Variants in ZNF276 observed in about 807,000 individuals in gnomAD.
The protein encoded by ZNF276 is centromere protein Z.
ZNF276 carries 59 observed loss-of-function variants against 63.9 expected under a neutral mutation model. The observed-to-expected ratio is 0.92, with a 90% CI of 0.75 to 1.15. ZNF276 has a LOEUF of 1.15. Among genes scored for constraint, ZNF276 ranks in the 50% most tolerant of loss-of-function variants. The pLI, the probability that ZNF276 is intolerant of heterozygous loss-of-function variation, is 0.00. For missense variants in ZNF276, 1,084 were observed against 843.8 expected (o/e 1.28, Z -3.53); for synonymous variants, 496 against 348.4 (o/e 1.42, Z -4.72).
At position 89,733,428 on chromosome 16, in the gene ZNF276, C is replaced by T. The variant is rs776281982; in HGVS notation, c.1280+16C>T. 3.7e-5 allele frequency: 59 copies of T among 1,613,838 alleles called. 1 individual carries two copies. The highest frequency in any genetic ancestry group is 1.8e-4 in the East Asian group (8 of 44,888). On this transcript the variant is annotated intron_variant, in intron 7 of 10. Coordinates refer to ENST00000443381, the MANE Select transcript of ZNF276 (RefSeq NM_001113525.2). The stretch of plus-strand genomic sequence containing the variant: ...GTTGTGAGAGGTGATGCCTGCAACG[C>T]GAGGCTCGCCCTGCCTGTCGGGGCC...
Position 89,737,908 on chromosome 16 carries a change from A to T in ZNF276, c.1574+3A>T. 2 of 1,590,884 alleles carry T rather than the reference A, an allele frequency of 1.3e-6. No individual in the cohort carries two copies. ...CATTCGGGAGCCAAGCCTTTGCAGT[A>T]AGTGTGAGTCAGGACCCCCTCCCAG... On this transcript the variant is annotated splice_donor_region_variant and intron_variant, in intron 10 of 10. Transcript: ENST00000443381.
chr16:89,731,013 C>T (rs1437968870), intron 6 of ZNF276, among the ~76,000 whole-genome samples: 1 of 152,236 alleles, frequency 6.6e-6, no homozygotes, highest in Non-Finnish European at 1.5e-5. Flanking sequence ...CCCACCCGGT[C>T]CGCAAAGATT....
chr16:89,729,061 C>G (rs1379864199), intron 5 of ZNF276, among the ~76,000 whole-genome samples, 174 bp from the exon 6 acceptor site: 1 of 152,246 alleles, frequency 6.6e-6, no homozygotes, highest in African/African-American at 2.4e-5. Flanking sequence ...CCTGGCTGGC[C>G]CTTTGTGTTC....
At position 89,738,350 on chromosome 16, in the gene ZNF276, C is replaced by A; in HGVS notation, c.*104C>A. The A allele has an allele frequency of 7.4e-6, 11 of 1,480,728 alleles. No homozygotes were observed. The highest frequency in any genetic ancestry group is 8.1e-6 in the Non-Finnish European group (9 of 1,112,534). 91.7% of individuals were successfully genotyped at this position (1,480,728 alleles called of 1,614,324 possible). A position where few individuals can be genotyped will look rare whatever the true frequency, so the allele number is the denominator to read the frequency against. ...GCATGGGAGGGTCGGAGGGTGCTGCCCGCCCTTGGTGCTGGAGGCGGGCTT... is the reference window on the plus strand; with the variant it reads ...GCATGGGAGGGTCGGAGGGTGCTGCACGCCCTTGGTGCTGGAGGCGGGCTT... On this transcript the variant is annotated 3_prime_UTR_variant, in exon 11 of 11. Transcript: ENST00000443381.
Position 89,738,086 on chromosome 16 carries a change from G to C in ZNF276, c.1685G>C (p.Arg562Pro). The change falls in exon 11 of 11, where the codon CGG becomes CCG. Residue 562 changes from arginine (R) to proline (P), a missense_variant. Arg to Pro is a moderately radical substitution (Grantham distance 103, BLOSUM62 -2). Transcript: ENST00000443381. ...TTTGCCTGTGACCAGTGTGGCCGGC[G>C]GTTTGAGAAGGCCCACAACCTCAAT... is the stretch of plus-strand genomic sequence containing the variant. ...LDFACDQCGR[R>P]FEKAHNLNVH... 2 of 1,614,036 alleles carry C rather than the reference G, an allele frequency of 1.2e-6. No individual in the cohort carries two copies. Among genetic ancestry groups the C allele is most frequent in the Non-Finnish European group, 8.5e-7 (1 of 1,180,040 alleles).
chr16:89,735,712 C>CT (rs911417070), intron 9 of ZNF276, among the ~76,000 whole-genome samples: 10 of 151,396 alleles, frequency 6.6e-5, no homozygotes, highest in African/African-American at 1.2e-4. Context: ...TTACCAAAAA[C>CT]TTTTTTTTTA....
intron 6 of ZNF276, among the ~76,000 whole-genome samples, chr16:89,730,725 CA>C (rs983315005): frequency 2.6e-5 from 4 of 152,170 alleles, no homozygotes; most frequent in African/African-American, 9.7e-5. Flanking sequence ...CGGCGAGTAC[CA>C]GGGGCACTTG....
At position 89,739,237 on chromosome 16, in the gene ZNF276, G is replaced by T. The variant is rs1233684652; in HGVS notation, c.*991G>T. ...TTCAAGTACATGTCCACAGCAACATGCAGGAAGGCCTCTTCCCTGATGGCC... is the reference window on the plus strand; with the variant it reads ...TTCAAGTACATGTCCACAGCAACATTCAGGAAGGCCTCTTCCCTGATGGCC... On this transcript the variant is annotated 3_prime_UTR_variant, in exon 11 of 11. Coordinates refer to ENST00000443381, the MANE Select transcript of ZNF276 (RefSeq NM_001113525.2). The T allele has an allele frequency of 6.2e-7, 1 of 1,614,170 alleles. No individual in the cohort carries two copies. The highest frequency in any genetic ancestry group is 2.2e-5 in the East Asian group (1 of 44,896).
At chr16:89,729,545 G>A (rs575293629) in intron 6 of ZNF276, among the ~76,000 whole-genome samples, 3 of 152,306 alleles carry the variant, frequency 2.0e-5, no homozygotes, top group Admixed American at 6.5e-5. Context: ...ACCTGGTCTC[G>A]GCACTGTGAG....
At position 89,723,603 on chromosome 16, in the gene ZNF276, G is replaced by A; in HGVS notation, c.900G>A (p.Lys300=). 3.1e-6 allele frequency: 5 copies of A among 1,612,808 alleles called. No individual in the cohort carries two copies. The highest frequency in any genetic ancestry group is 4.2e-6 in the Non-Finnish European group (5 of 1,180,010). The change falls in exon 4 of 11, where the codon AAG becomes AAA. Residue 300 remains lysine, a synonymous_variant. Coordinates refer to ENST00000443381, the MANE Select transcript of ZNF276 (RefSeq NM_001113525.2). ...GTGTPVGAET[K]TLPSTDVAQP... ...GGACCCCAGTTGGGGCTGAGACCAA[G>A]ACCCTGCCCAGCACGGATGTGGCCC...
Position 89,737,884 on chromosome 16 carries a change from A to G in ZNF276, c.1553A>G (p.His518Arg). The G allele has an allele frequency of 6.2e-7, 1 of 1,613,496 alleles. No homozygotes were observed. Among genetic ancestry groups the G allele is most frequent in the East Asian group, 2.2e-5 (1 of 44,766 alleles). ...CACCTTCTCGTCCACCAAATGCGAC[A>G]TTCGGGAGCCAAGCCTTTGCAGTAA... ...RKHLLVHQMRHSGAKPLQCEV... is the reference protein window; with the variant it reads ...RKHLLVHQMRRSGAKPLQCEV... The change falls in exon 10 of 11, where the codon CAT (histidine) becomes CGT (arginine). Residue 518 changes from histidine (H) to arginine (R), a missense_variant. Physicochemically the swap from His to Arg is conservative, Grantham distance 29 (BLOSUM62 0). Coordinates refer to ENST00000443381, the MANE Select transcript of ZNF276 (RefSeq NM_001113525.2).
chr16:89,733,807 G>A (rs113836254), intron 8 of ZNF276, 114 bp from the exon 9 acceptor site: 11 of 985,282 alleles, frequency 1.1e-5, no homozygotes, highest in Non-Finnish European at 1.7e-5. Context: ...CAGTGGTGTC[G>A]CTGGAGGAGG....
intron 9 of ZNF276, among the ~76,000 whole-genome samples, chr16:89,735,538 C>G (rs1208114380): frequency 6.6e-6 from 1 of 152,108 alleles, no homozygotes; most frequent in Non-Finnish European, 1.5e-5. Context: ...GACTCTGCAT[C>G]TGTCCGGTCA....
chr16:89,720,754 C>A, upstream of ZNF276: 1 of 1,441,118 alleles, frequency 6.9e-7, no homozygotes, highest in Non-Finnish European at 9.1e-7. Flanking sequence ...CGCCCCCGCC[C>A]CGCCTCACCC....
chr16:89,739,081 G>C lies in ZNF276; in HGVS notation c.*835G>C, dbSNP rs781393563. ...GCCGGAACATTCTTTGGCAGAAGGA[G>C]CCTCCGGCTGGGGGGAGCTCCCCTG... is the stretch of plus-strand genomic sequence containing the variant. On this transcript the variant is annotated 3_prime_UTR_variant, in exon 11 of 11. Coordinates refer to ENST00000443381, the MANE Select transcript of ZNF276 (RefSeq NM_001113525.2). The C allele has an allele frequency of 6.2e-7, 1 of 1,613,882 alleles. No homozygotes were observed. Among genetic ancestry groups the C allele is most frequent in the South Asian group, 1.1e-5 (1 of 91,074 alleles).
At chr16:89,724,778 G>C (rs535130588) in intron 4 of ZNF276, among the ~76,000 whole-genome samples, 2 of 152,304 alleles carry the variant, frequency 1.3e-5, no homozygotes, top group African/African-American at 4.8e-5. Context: ...CTGTAAACTT[G>C]TATGCAGTGT....
chr16:89,736,297 G>C (rs1402475409), intron 9 of ZNF276, among the ~76,000 whole-genome samples: 1 of 151,344 alleles, frequency 6.6e-6, no homozygotes, highest in African/African-American at 2.4e-5. Context: ...AAAGTGCTGG[G>C]ATTACAGGCA....
Position 89,740,794 on chromosome 16 carries a change from T to G in ZNF276, c.*2548T>G, listed in dbSNP as rs368372404. On this transcript the variant is annotated 3_prime_UTR_variant, in exon 11 of 11. Transcript: ENST00000443381. Reference sequence around the variant, plus strand: ...GGAGAGGACACCTTGGCTGGTAAGGTCTGACTTACATTTGAGGTCAGATGT... The same window carrying G: ...GGAGAGGACACCTTGGCTGGTAAGGGCTGACTTACATTTGAGGTCAGATGT... 6.2e-7 allele frequency: 1 copy of G among 1,612,778 alleles called. No homozygotes were observed. The highest frequency in any genetic ancestry group is 8.5e-7 in the Non-Finnish European group (1 of 1,179,204).
chr16:89,730,462 A>T (rs938700332), intron 6 of ZNF276, among the ~76,000 whole-genome samples: 4 of 152,168 alleles, frequency 2.6e-5, no homozygotes, highest in African/African-American at 9.6e-5. Flanking sequence ...GAGCCAGGCG[A>T]GCCTTTTCCG....
Sources: allele counts gnomAD v4.1 joint callset (sites outside exome capture counted in the v4.1 genomes callset), GRCh38; gene constraint gnomAD v4.1.1; transcripts MANE v1.5; gene names NCBI Gene and HGNC (gene_info 2026-07-23, HGNC 2026-07-21).